BPHL: variants seen among roughly 807,000 people sequenced by gnomAD.
BPHL encodes serine hydrolase BPHL.
Under a neutral mutation model 31.2 loss-of-function variants are expected in BPHL, and 27 were observed. That is an observed-to-expected ratio of 0.87 (90% CI 0.64 to 1.19). The LOEUF (loss-of-function observed/expected upper bound fraction) is 1.19. Among genes scored for constraint, BPHL ranks in the 50% most tolerant of loss-of-function variants. The pLI, the probability that BPHL is intolerant of heterozygous loss-of-function variation, is 0.00. For missense variants in BPHL, 356 were observed against 375.7 expected (o/e 0.95, Z 0.43); for synonymous variants, 150 against 146.8 (o/e 1.02, Z -0.16).
intron 6 of BPHL, among the ~76,000 whole-genome samples, chr6:3,143,504 G>A (rs997359385): frequency 2.0e-5 from 3 of 152,116 alleles, no homozygotes; most frequent in Non-Finnish European, 2.9e-5. Context: ...ATTTTAAAAT[G>A]TGTTTTTAGT....
Position 3,137,474 on chromosome 6 carries a change from G to A in BPHL, c.645G>A (p.Gln215=). 1 of 1,613,698 alleles carries A rather than the reference G, an allele frequency of 6.2e-7. No individual in the cohort carries two copies. Among genetic ancestry groups the A allele is most frequent in the African/African-American group, 1.3e-5 (1 of 74,858 alleles). ...AAAAGTGGGTGGATGGCATAAGACA[G>A]TTTAAACATCTCCCAGATGGTAGGT... is the stretch of plus-strand genomic sequence containing the variant. ...TCEKWVDGIR[Q]FKHLPDGNIC... The change falls in exon 5 of 7, where the codon CAG becomes CAA. Residue 215 remains glutamine (Q), a synonymous_variant. Coordinates refer to ENST00000380379, the MANE Select transcript of BPHL (RefSeq NM_004332.4).
chr6:3,122,645 A>G (rs971255743), intron 1 of BPHL, among the ~76,000 whole-genome samples: 1 of 152,130 alleles, frequency 6.6e-6, no homozygotes, highest in Non-Finnish European at 1.5e-5. Context: ...GTCCAGTTAG[A>G]TGCTGGATCC....
intron 6 of BPHL, among the ~76,000 whole-genome samples, chr6:3,147,781 A>G (rs1469321925): frequency 6.6e-6 from 1 of 152,234 alleles, no homozygotes; most frequent in Admixed American, 6.5e-5. Context: ...GTGTGATTCC[A>G]GTCTAAGTCT....
Position 3,144,454 on chromosome 6 carries a change from C to T in BPHL, c.788+3945C>T, listed in dbSNP as rs536368731. Among the ~76,000 whole-genome samples the T allele has an allele frequency of 7.4e-5, 11 of 147,818 alleles. No individual in the cohort carries two copies. The East Asian group carries it at 1.8e-3, about 24-fold the overall frequency. On this transcript the variant is annotated intron_variant, in intron 6 of 6. Transcript: ENST00000380379. ...AGGCTGGAGTGCAGTGGTGTGATCA[C>T]GGCTCATTGCAGCCTTGAACTCCTG...
Position 3,145,403 on chromosome 6 carries a change from G to A in BPHL, c.788+4894G>A, listed in dbSNP as rs1195961335. On this transcript the variant is annotated intron_variant, in intron 6 of 6. Coordinates refer to ENST00000380379, the MANE Select transcript of BPHL (RefSeq NM_004332.4). Reference sequence around the variant, plus strand: ...CGGGGTGGAGTGCTGGTTCGGGTCCGAGTGCTGGTTCGGGTGGAGTGCTGG... The same window carrying A: ...CGGGGTGGAGTGCTGGTTCGGGTCCAAGTGCTGGTTCGGGTGGAGTGCTGG... Among the ~76,000 whole-genome samples the A allele has an allele frequency of 2.9e-4, 17 of 59,004 alleles. 4 individuals carry two copies. Among genetic ancestry groups the A allele is most frequent in the African/African-American group, 1.0e-3 (17 of 16,942 alleles). The allele number at this position is 59,004 out of a possible 152,430, so 38.7% of individuals were successfully genotyped here. A position where few individuals can be genotyped will look rare whatever the true frequency, so the allele number is the denominator to read the frequency against.
At chr6:3,148,604 C>T (rs974032202) in intron 6 of BPHL, among the ~76,000 whole-genome samples, 2 of 152,212 alleles carry the variant, frequency 1.3e-5, no homozygotes, top group Non-Finnish European at 2.9e-5. Context: ...TGACAGTTCC[C>T]CACCACTGGC....
intron 4 of BPHL, among the ~76,000 whole-genome samples, chr6:3,134,603 A>ATTTTTTTTTTT (rs556567574): frequency 7.8e-6 from 1 of 127,626 alleles, no homozygotes; most frequent in Non-Finnish European, 1.6e-5. Flanking sequence ...CACCTGGCTA[A>ATTTTTTTTTTT]TTTTTTTTTT....
At chr6:3,120,579 A>C (rs1761542233) in intron 1 of BPHL, among the ~76,000 whole-genome samples, 1 of 152,094 alleles carries the variant, frequency 6.6e-6, no homozygotes, top group Non-Finnish European at 1.5e-5. Context: ...TCGTGTAAAA[A>C]CTTTGCTTCA....
intron 6 of BPHL, among the ~76,000 whole-genome samples, chr6:3,148,944 A>AT (rs1203105398): frequency 1.3e-5 from 2 of 152,232 alleles, no homozygotes; most frequent in Non-Finnish European, 2.9e-5. Flanking sequence ...TGCTGCACAG[A>AT]TTAACACCTT....
At chr6:3,119,410 A>G (rs1467904626) in intron 1 of BPHL, 1 of 1,609,986 alleles carries the variant, frequency 6.2e-7, no homozygotes, top group Non-Finnish European at 8.5e-7. Context: ...CTGAAAATTC[A>G]GAATCCTGGG....
At chr6:3,131,046 C>T (rs1333816298) in intron 4 of BPHL, among the ~76,000 whole-genome samples, 1 of 152,150 alleles carries the variant, frequency 6.6e-6, no homozygotes, top group Non-Finnish European at 1.5e-5. Flanking sequence ...TCCTTAAATT[C>T]TCTCCACTGG....
At chr6:3,118,996 G>C in intron 1 of BPHL, 149 bp downstream of exon 1, 1 of 711,654 alleles carries the variant, frequency 1.4e-6, no homozygotes, top group South Asian at 4.6e-5. Context: ...TGTGCCGCGA[G>C]ACCCCGATCC....
intron 6 of BPHL, among the ~76,000 whole-genome samples, chr6:3,147,470 G>A (rs1307098915): frequency 4.6e-5 from 7 of 152,030 alleles, no homozygotes; most frequent in Admixed American, 1.3e-4. Flanking sequence ...GTCTCGCTCT[G>A]TTGCCCAGGC....
intron 1 of BPHL, among the ~76,000 whole-genome samples, chr6:3,121,170 C>T (rs1315965908): frequency 2.0e-5 from 3 of 151,856 alleles, no homozygotes; most frequent in African/African-American, 7.3e-5. Flanking sequence ...AAAAATAATT[C>T]ATCAAGATTC....
At position 3,140,524 on chromosome 6, in the gene BPHL, C is replaced by G; in HGVS notation, c.788+15C>G. On this transcript the variant is annotated intron_variant, in intron 6 of 6. Coordinates refer to ENST00000380379, the MANE Select transcript of BPHL (RefSeq NM_004332.4). This position sits in a 1 kb window ranked among gnomAD's most constrained non-coding sequence, Gnocchi z 5.2. ...AAAGGCTCACGGTAAGTCCTGTCAC[C>G]GCCTTCACACTCCCCCCGAGAGCCT... 6.2e-7 allele frequency: 1 copy of G among 1,611,678 alleles called. No homozygotes were observed. Among genetic ancestry groups the G allele is most frequent in the Non-Finnish European group, 8.5e-7 (1 of 1,179,294 alleles).
At chr6:3,123,627 C>T (rs1290306632) in intron 1 of BPHL, 30 bp from the exon 2 acceptor site, 8 of 1,591,050 alleles carry the variant, frequency 5.0e-6, no homozygotes, top group Non-Finnish European at 6.9e-6. Flanking sequence ...TCCCCTTTCC[C>T]CCTGTGGGGA....
At chr6:3,147,483 G>T (rs1762415182) in intron 6 of BPHL, among the ~76,000 whole-genome samples, 2 of 151,996 alleles carry the variant, frequency 1.3e-5, no homozygotes, top group Non-Finnish European at 2.9e-5. Context: ...GCCCAGGCTG[G>T]AGTGCAGTGG....
At position 3,118,729 on chromosome 6, in the gene BPHL, C is replaced by G. The variant is rs1220188086; in HGVS notation, c.-12C>G. 5 of 1,257,984 alleles carry G rather than the reference C, an allele frequency of 4.0e-6. No homozygotes were observed. In the Admixed American group the frequency reaches 1.7e-4, roughly 42 times the overall value. 77.9% of individuals were successfully genotyped at this position (1,257,984 alleles called of 1,614,324 possible). On this transcript the variant is annotated 5_prime_UTR_variant, in exon 1 of 7. Coordinates refer to ENST00000380379, the MANE Select transcript of BPHL (RefSeq NM_004332.4). ...CGCATGCGCACTCCCGGCAGCTACG[C>G]GACCTGTGACCATGGTGGCTGTGCT...
intron 4 of BPHL, among the ~76,000 whole-genome samples, chr6:3,129,732 C>T (rs573344774): frequency 4.0e-5 from 6 of 151,520 alleles, no homozygotes; most frequent in African/African-American, 1.5e-4. Flanking sequence ...AAATATGAAA[C>T]CTTTTATTTT....
Sources: gnomAD v4.1 joint callset for allele counts (sites outside exome capture counted in the v4.1 genomes callset) on GRCh38, gnomAD v4.1.1 for gene constraint, Gnocchi (gnomAD v3.1) non-coding constraint, MANE v1.5 for transcripts, NCBI Gene and HGNC (gene_info 2026-07-23, HGNC 2026-07-21) for gene names.